ANKAR: variants seen among roughly 807,000 people sequenced by gnomAD.
ANKAR encodes the protein ankyrin and armadillo repeat containing.
In ANKAR, 136 loss-of-function variants were observed where a neutral mutation model predicts 146.2. That is an observed-to-expected ratio of 0.93 (90% CI 0.81 to 1.07). ANKAR has a LOEUF of 1.07. Ranked by LOEUF, ANKAR falls within the 50% of genes least tolerant of loss-of-function variation. ANKAR has a pLI of 0.00. For synonymous variants in ANKAR, 500 were observed against 575.8 expected, an observed-to-expected ratio of 0.87 and a Z score of 1.88; for missense variants, 1,567 against 1,679.9, an observed-to-expected ratio of 0.93 and a Z score of 1.18.
At chr2:189,714,258 A>C (rs1302413665) in intron 10 of ANKAR, among the ~76,000 whole-genome samples, 2 of 152,212 alleles carry the variant, frequency 1.3e-5, no homozygotes, top group Non-Finnish European at 2.9e-5. Context: ...TGGACCAAAC[A>C]GACCTAATAG....
chr2:189,747,400 AAAG>A (rs1180433249), downstream of ANKAR: 1 of 152,074 alleles, frequency 6.6e-6, no homozygotes, highest in Non-Finnish European at 1.5e-5. Flanking sequence ...AAAAATTAAA[AAAG>A]AAAATAAAAC....
chr2:189,736,751 A>G (rs961844532), intron 17 of ANKAR, among the ~76,000 whole-genome samples: 1 of 152,000 alleles, frequency 6.6e-6, no homozygotes, highest in Non-Finnish European at 1.5e-5. Context: ...TACATGCAGC[A>G]TTTTAATATT....
intron 18 of ANKAR, among the ~76,000 whole-genome samples, chr2:189,758,145 G>A (rs2046362444): frequency 6.6e-6 from 1 of 152,208 alleles, no homozygotes; most frequent in Non-Finnish European, 1.5e-5. Flanking sequence ...CACTTTGGGA[G>A]GCCGAGGTGG....
intron 9 of ANKAR, among the ~76,000 whole-genome samples, chr2:189,709,973 A>G (rs934078868): frequency 2.0e-5 from 3 of 152,234 alleles, no homozygotes; most frequent in African/African-American, 7.2e-5. Flanking sequence ...TGACACAAAC[A>G]GAACAAACAA....
chr2:189,719,728 G>T lies in ANKAR; in HGVS notation c.2381G>T (p.Cys794Phe). The T allele has an allele frequency of 6.2e-7, 1 of 1,614,062 alleles. No individual in the cohort carries two copies. The highest frequency in any genetic ancestry group is 8.5e-7 in the Non-Finnish European group (1 of 1,179,922). The change falls in exon 11 of 23, where the codon TGT becomes TTT. Residue 794 changes from cysteine (C) to phenylalanine (F), a missense_variant. By Grantham distance (205) the Cys-to-Phe change is radical. Coordinates refer to ENST00000684021, the MANE Select transcript of ANKAR (RefSeq NM_001378068.1). ...GIPSLINLLV[C>F]DEPEVHSRCA... ...CCATCTCTAATCAACCTACTGGTTT[G>T]TGATGAGCCTGAAGTACACTCTCGC...
At chr2:189,685,278 G>A (rs2035396399) in intron 2 of ANKAR, among the ~76,000 whole-genome samples, 1 of 151,590 alleles carries the variant, frequency 6.6e-6, no homozygotes, top group South Asian at 2.1e-4. Context: ...TTGATTCAGG[G>A]AACATTATTT....
chr2:189,724,118 G>A (rs541649054), intron 12 of ANKAR, among the ~76,000 whole-genome samples: 11 of 152,242 alleles, frequency 7.2e-5, no homozygotes, highest in African/African-American at 2.2e-4. Flanking sequence ...TGAGTAAGGG[G>A]TAAATTTTTA....
chr2:189,693,162 A>T lies in ANKAR; in HGVS notation c.1292A>T (p.Glu431Val), dbSNP rs1291263058. Residue 431 changes from glutamate (E) to valine (V), a missense_variant, in exon 5 of 23, where the codon GAA becomes GTA. By Grantham distance (121) the Glu-to-Val change is moderately radical (BLOSUM62 -2). Transcript: ENST00000684021. ...YKEYYSIPVM[E>V]FHGKSYYVIY... The stretch of plus-strand genomic sequence containing the variant: ...GAATATTACTCAATACCAGTCATGG[A>T]ATTTCATGGAAAAAGGTACGGAGCT... 1 of 1,556,100 alleles carries T rather than the reference A, an allele frequency of 6.4e-7. No homozygotes were observed. Among genetic ancestry groups the T allele is most frequent in the Admixed American group, 1.9e-5 (1 of 51,602 alleles).
intron 21 of ANKAR, 91 bp downstream of exon 21, chr2:189,743,565 C>T (rs2043665956): frequency 2.6e-6 from 3 of 1,154,648 alleles, no homozygotes; most frequent in Non-Finnish European, 3.7e-6. Context: ...AGGAACTATT[C>T]TTGATATGAA....
At chr2:189,736,452 C>T (rs2042839129) in intron 17 of ANKAR, among the ~76,000 whole-genome samples, 1 of 147,966 alleles carries the variant, frequency 6.8e-6, no homozygotes, top group South Asian at 2.1e-4. Flanking sequence ...TTTCTCAAGC[C>T]TTTGACTGTA....
At chr2:189,752,735 A>T in intron 18 of ANKAR, 1 of 1,613,964 alleles carries the variant, frequency 6.2e-7, no homozygotes, top group Non-Finnish European at 8.5e-7. Flanking sequence ...CTAAATAAGA[A>T]GCATTAAAAT....
At position 189,743,296 on chromosome 2, in the gene ANKAR, G is replaced by T; in HGVS notation, c.3832G>T (p.Ala1278Ser). ...IEEVRAACSS[A>S]LGYLTYNANA... Reference sequence around the variant, plus strand: ...TTAGGTTCGTGCAGCTTGTTCCTCTGCTCTTGGCTACTTAACATACAATGC... The same window carrying T: ...TTAGGTTCGTGCAGCTTGTTCCTCTTCTCTTGGCTACTTAACATACAATGC... Residue 1278 changes from alanine to serine, a missense_variant, in exon 21 of 23, where the codon GCT becomes TCT. Ala to Ser is a moderately conservative substitution (Grantham distance 99). Transcript: ENST00000684021. 6.2e-7 allele frequency: 1 copy of T among 1,613,890 alleles called. No homozygotes were observed. Among genetic ancestry groups the T allele is most frequent in the African/African-American group, 1.3e-5 (1 of 75,036 alleles).
intron 17 of ANKAR, 74 bp from the exon 18 acceptor site, chr2:189,737,609 A>G: frequency 7.3e-7 from 1 of 1,362,834 alleles, no homozygotes; most frequent in Non-Finnish European, 9.9e-7. Context: ...TTAATGAGCA[A>G]GAACTTAAAG....
intron 12 of ANKAR, among the ~76,000 whole-genome samples, chr2:189,722,183 A>G (rs1172704452): frequency 1.3e-5 from 2 of 152,072 alleles, no homozygotes; most frequent in African/African-American, 4.8e-5. Flanking sequence ...CTACTAAAAT[A>G]CAAAAATCAG....
At chr2:189,703,188 A>G (rs2038340677) in intron 7 of ANKAR, among the ~76,000 whole-genome samples, 1 of 152,344 alleles carries the variant, frequency 6.6e-6, no homozygotes, top group East Asian at 1.9e-4. Flanking sequence ...ACTGTTCCTC[A>G]TAATCAGATG....
chr2:189,718,359 G>GAC lies in ANKAR; in HGVS notation c.2225-1179_2225-1178dup, dbSNP rs66795152. ...CTGTCTAGCTATCTATCTACACACA[G>GAC]ACACACACACACACACACACACACA... On this transcript the variant is annotated intron_variant, in intron 10 of 22. Transcript: ENST00000684021. 1.8e-3 allele frequency among the ~76,000 whole-genome samples: 278 copies of GAC among 151,164 alleles called. 3 individuals are homozygous for GAC. The highest frequency in any genetic ancestry group is 6.5e-3 in the African/African-American group (267 of 41,172).
In ANKAR at chr2:189,710,298, TC is replaced by T. The variant is rs999788132; in HGVS notation, c.2120-750del. ...TTCATCCAAGATTTTATTTAAAGTA[TC>T]TTTTTTATACTCGGGAAATGTATAA... On this transcript the variant is annotated intron_variant, in intron 9 of 22. Transcript: ENST00000684021. 0.03 allele frequency among the ~76,000 whole-genome samples: 6 copies of T among 202 alleles called. No homozygotes were observed. The Admixed American group carries it at 0.38, about 13-fold the overall frequency. The allele number at this position is 202 out of a possible 152,430, so 0.1% of individuals were successfully genotyped here. A position where few individuals can be genotyped will look rare whatever the true frequency, so the allele number is the denominator to read the frequency against.
intron 10 of ANKAR, among the ~76,000 whole-genome samples, chr2:189,717,758 TA>T (rs1192633656): frequency 4.6e-5 from 7 of 152,088 alleles, no homozygotes; most frequent in Non-Finnish European, 1.0e-4. Context: ...TATGCAGCCA[TA>T]AAAAAGGATG....
chr2:189,710,387 A>G (rs1012442999), intron 9 of ANKAR, among the ~76,000 whole-genome samples: 1 of 152,198 alleles, frequency 6.6e-6, no homozygotes. Context: ...TTACTTTGCT[A>G]TTCTTGAAAA....
Sources: gnomAD v4.1 joint callset for allele counts (sites outside exome capture counted in the v4.1 genomes callset) on GRCh38, gnomAD v4.1.1 for gene constraint, MANE v1.5 for transcripts, NCBI Gene and HGNC (gene_info 2026-07-23, HGNC 2026-07-21) for gene names.